Variants in TMEM132D observed in about 807,000 individuals in gnomAD.
TMEM132D encodes the protein transmembrane protein 132D, also known as mature OL transmembrane protein.
A neutral mutation model predicts 62.3 loss-of-function variants in TMEM132D; 21 were observed. That is an observed-to-expected ratio of 0.34 (90% CI 0.24 to 0.49). TMEM132D has a LOEUF of 0.49. TMEM132D is among the 20% of genes least tolerant of loss of function. The pLI, the probability that TMEM132D is intolerant of heterozygous loss-of-function variation, is 0.99. For synonymous variants in TMEM132D, 621 were observed against 575.6 expected, an observed-to-expected ratio of 1.08 and a Z score of -1.13; for missense variants, 1,346 against 1,402.8, an observed-to-expected ratio of 0.96 and a Z score of 0.65.
intron 2 of TMEM132D, among the ~76,000 whole-genome samples, chr12:129,569,771 G>T (rs1877460567): frequency 6.6e-6 from 1 of 152,118 alleles, no homozygotes; most frequent in African/African-American, 2.4e-5. Flanking sequence ...GAGATGACTG[G>T]CTGCTGAGAA....
chr12:129,466,807 T>C (rs958605395), intron 3 of TMEM132D, among the ~76,000 whole-genome samples: 22 of 152,320 alleles, frequency 1.4e-4, no homozygotes, highest in Middle Eastern at 3.4e-3. Flanking sequence ...ATCCTTCCCC[T>C]GTAGCTTGTT....
At chr12:129,222,638 A>C (rs986574591) in intron 4 of TMEM132D, among the ~76,000 whole-genome samples, 3 of 152,166 alleles carry the variant, frequency 2.0e-5, no homozygotes, top group Non-Finnish European at 4.4e-5. Flanking sequence ...AATTTCAAGG[A>C]AATACACCTC....
At chr12:129,222,321 T>C (rs1166912872) in intron 4 of TMEM132D, among the ~76,000 whole-genome samples, 1 of 152,150 alleles carries the variant, frequency 6.6e-6, no homozygotes, top group African/African-American at 2.4e-5. Context: ...TCCAAGCTCA[T>C]TGTTAAAATG....
At chr12:129,242,201 T>C (rs900039473) in intron 4 of TMEM132D, among the ~76,000 whole-genome samples, 2 of 152,248 alleles carry the variant, frequency 1.3e-5, no homozygotes, top group East Asian at 1.9e-4. Context: ...ACTTCTCTCA[T>C]TGACAGTTTC....
chr12:129,337,077 C>A (rs1869306382), intron 4 of TMEM132D, among the ~76,000 whole-genome samples: 1 of 152,174 alleles, frequency 6.6e-6, no homozygotes, highest in Admixed American at 6.5e-5. Context: ...AACACAGTAA[C>A]CAGTTTAGTG....
intron 4 of TMEM132D, among the ~76,000 whole-genome samples, chr12:129,223,382 A>G (rs1391408790): frequency 6.6e-6 from 1 of 152,156 alleles, no homozygotes; most frequent in Admixed American, 6.5e-5. Context: ...CCCTGGCCAC[A>G]TGGAGAGGCC....
At chr12:129,270,493 T>C (rs1401804351) in intron 4 of TMEM132D, among the ~76,000 whole-genome samples, 1 of 152,216 alleles carries the variant, frequency 6.6e-6, no homozygotes, top group Admixed American at 6.5e-5. Context: ...CTGAAAACAA[T>C]GCGTGCCAAT....
At chr12:129,455,875 G>A (rs1231693088) in intron 3 of TMEM132D, among the ~76,000 whole-genome samples, 1 of 152,082 alleles carries the variant, frequency 6.6e-6, no homozygotes, top group Non-Finnish European at 1.5e-5. Flanking sequence ...TTTAATACAG[G>A]GTTATACACT....
At chr12:129,290,691 A>G (rs1045140439) in intron 4 of TMEM132D, among the ~76,000 whole-genome samples, 1 of 152,210 alleles carries the variant, frequency 6.6e-6, no homozygotes. Context: ...TGTGGGTGGT[A>G]GCCTTATTTG....
chr12:129,437,942 A>G (rs974522329), intron 3 of TMEM132D, among the ~76,000 whole-genome samples: 3 of 133,764 alleles, frequency 2.2e-5, no homozygotes, highest in Admixed American at 1.8e-4. Flanking sequence ...CCATGTGTCC[A>G]TGTGTTCTCA....
At chr12:129,583,932 C>T (rs531554047) in intron 2 of TMEM132D, among the ~76,000 whole-genome samples, 31 of 152,294 alleles carry the variant, frequency 2.0e-4, no homozygotes, top group African/African-American at 7.5e-4. Context: ...AGTATTCTTA[C>T]AAATTTTCTC....
At chr12:129,195,460 C>A (rs943282897) in intron 5 of TMEM132D, among the ~76,000 whole-genome samples, 10 of 151,620 alleles carry the variant, frequency 6.6e-5, no homozygotes, top group African/African-American at 2.4e-4. Context: ...GTGATGTGGC[C>A]CATATTTTAA....
At chr12:129,677,877 C>A (rs563855021) in intron 2 of TMEM132D, among the ~76,000 whole-genome samples, 4 of 147,450 alleles carry the variant, frequency 2.7e-5, no homozygotes, top group African/African-American at 1.0e-4. Flanking sequence ...GCATATTGGT[C>A]CATTATCCAT....
chr12:129,797,844 GA>G (rs77901054), intron 1 of TMEM132D, among the ~76,000 whole-genome samples: 12,614 of 152,206 alleles, frequency 0.083, 550 homozygotes, highest in East Asian at 0.11. Context: ...GGAGATTTCG[GA>G]GATACTAGTT....
At chr12:129,684,574 T>A (rs919141809) in intron 2 of TMEM132D, among the ~76,000 whole-genome samples, 1 of 151,830 alleles carries the variant, frequency 6.6e-6, no homozygotes, top group Non-Finnish European at 1.5e-5. Context: ...TATAAAGATA[T>A]CTGAAAATGT....
intron 5 of TMEM132D, among the ~76,000 whole-genome samples, chr12:129,148,554 C>T (rs1214554532): frequency 6.6e-6 from 1 of 152,122 alleles, no homozygotes; most frequent in East Asian, 1.9e-4. Context: ...TCCCTAAGCT[C>T]CCCCTGCAAA....
chr12:129,481,097 T>C (rs945367116), intron 3 of TMEM132D, among the ~76,000 whole-genome samples: 1 of 151,590 alleles, frequency 6.6e-6, no homozygotes, highest in Non-Finnish European at 1.5e-5. Context: ...CAGAACAAGG[T>C]CCAAGGTGCC....
intron 5 of TMEM132D, among the ~76,000 whole-genome samples, chr12:129,127,057 G>A (rs562716296): frequency 9.5e-4 from 144 of 152,188 alleles, no homozygotes; most frequent in Non-Finnish European, 1.6e-3. Context: ...TTTGTGCCAA[G>A]GAATGACAGA....
chr12:129,683,908 A>G (rs931913820), intron 2 of TMEM132D, among the ~76,000 whole-genome samples: 2 of 152,164 alleles, frequency 1.3e-5, no homozygotes, highest in African/African-American at 2.4e-5. Context: ...TTTTCCCCTC[A>G]GTTGCTTTGA....
Sources: allele counts gnomAD v4.1 joint callset (sites outside exome capture counted in the v4.1 genomes callset), GRCh38; gene constraint gnomAD v4.1.1; transcripts MANE v1.5; gene names NCBI Gene and HGNC (gene_info 2026-07-23, HGNC 2026-07-21).